The following SPMIP4 variants were observed in gnomAD, a reference collection of about 807,000 sequenced individuals.
SPMIP4 encodes the protein sperm microtubule inner protein 4.
the SPMIP4 span, chr7:25,142,413 C>A: frequency 9.4e-7 from 1 of 1,068,068 alleles, no homozygotes; most frequent in Non-Finnish European, 1.4e-6. Context: ...GAAAACTTAC[C>A]CATTCCTTTT....
the SPMIP4 span, among the ~76,000 whole-genome samples, chr7:25,137,316 T>TTTA: frequency 7.3e-6 from 1 of 137,356 alleles, no homozygotes; most frequent in South Asian, 2.3e-4. Context: ...TTTTTTTTTT[T>TTTA]TTTATTTTTT....
At chr7:25,158,823 G>A in the SPMIP4 span, among the ~76,000 whole-genome samples, 1 of 151,386 alleles carries the variant, frequency 6.6e-6, no homozygotes, top group African/African-American at 2.4e-5. Context: ...AGGAGGTGGA[G>A]GTTGCTGGGT....
chr7:25,178,766 G>A, the SPMIP4 span, among the ~76,000 whole-genome samples: 8 of 151,944 alleles, frequency 5.3e-5, 1 homozygote, highest in Admixed American at 2.0e-4. Flanking sequence ...CCGGCCCGGC[G>A]CAGTGGTCAC....
the SPMIP4 span, among the ~76,000 whole-genome samples, chr7:25,137,446 G>A: frequency 6.6e-6 from 1 of 151,834 alleles, no homozygotes; most frequent in Non-Finnish European, 1.5e-5. Context: ...TGCTAGCGCT[G>A]CCATAATGAG....
At chr7:25,147,035 C>A in the SPMIP4 span, among the ~76,000 whole-genome samples, 1 of 152,180 alleles carries the variant, frequency 6.6e-6, no homozygotes. Context: ...GTGGCTCACA[C>A]CTGTAATCCC....
the SPMIP4 span, chr7:25,158,493 T>G: frequency 6.2e-7 from 1 of 1,603,592 alleles, no homozygotes; most frequent in Non-Finnish European, 8.5e-7. Flanking sequence ...TATAAGTTAT[T>G]TACTTACCCT....
At chr7:25,130,122 C>T in the SPMIP4 span, among the ~76,000 whole-genome samples, 3 of 151,764 alleles carry the variant, frequency 2.0e-5, no homozygotes, top group Admixed American at 6.6e-5. Flanking sequence ...GCCTGTAATC[C>T]CAGCTACTTG....
At chr7:25,142,482 G>T in the SPMIP4 span, 1 of 866,626 alleles carries the variant, frequency 1.2e-6, no homozygotes, top group Non-Finnish European at 1.7e-6. Context: ...TACCTATGAA[G>T]AGAAATTTAC....
chr7:25,150,584 A>C, the SPMIP4 span, among the ~76,000 whole-genome samples: 1 of 152,224 alleles, frequency 6.6e-6, no homozygotes, highest in Non-Finnish European at 1.5e-5. Flanking sequence ...TATATGGAGA[A>C]CACTTGGCAC....
At chr7:25,156,002 C>T in the SPMIP4 span, among the ~76,000 whole-genome samples, 1 of 152,206 alleles carries the variant, frequency 6.6e-6, no homozygotes, top group Admixed American at 6.5e-5. Context: ...ATCCTAGTCT[C>T]CAGGGCCACA....
chr7:25,152,542 T>C, the SPMIP4 span, among the ~76,000 whole-genome samples: 1 of 152,146 alleles, frequency 6.6e-6, no homozygotes, highest in African/African-American at 2.4e-5. Flanking sequence ...CCAACTTTAG[T>C]GAATAAAGAA....
the SPMIP4 span, among the ~76,000 whole-genome samples, chr7:25,157,163 G>A: frequency 6.6e-6 from 1 of 152,180 alleles, no homozygotes; most frequent in Non-Finnish European, 1.5e-5. Context: ...ACAAAAGAAA[G>A]TGGTATTGGA....
chr7:25,168,222 C>A, the SPMIP4 span: 2 of 1,379,592 alleles, frequency 1.4e-6, no homozygotes, highest in South Asian at 1.3e-5. Context: ...AAACAAAGGA[C>A]TCACAATGGA....
chr7:25,136,123 A>C, the SPMIP4 span: 1 of 1,614,078 alleles, frequency 6.2e-7, no homozygotes, highest in African/African-American at 1.3e-5. The surrounding 1 kb of genome is among the most constrained non-coding windows in gnomAD (Gnocchi z 5.7). Context: ...AAGCTCCAGC[A>C]GGTTGGTCTG....
chr7:25,178,130 G>C, the SPMIP4 span, among the ~76,000 whole-genome samples: 1 of 152,294 alleles, frequency 6.6e-6, no homozygotes, highest in East Asian at 1.9e-4. Flanking sequence ...TTGCTGCAAA[G>C]GACATGATCT....
the SPMIP4 span, among the ~76,000 whole-genome samples, chr7:25,128,933 A>C: frequency 6.6e-6 from 1 of 152,202 alleles, no homozygotes; most frequent in African/African-American, 2.4e-5. The surrounding 1 kb of genome is among the most constrained non-coding windows in gnomAD (Gnocchi z 4.5). Flanking sequence ...TAGAAATTTC[A>C]TGTGGGGGCT....
chr7:25,177,698 A>C, the SPMIP4 span, among the ~76,000 whole-genome samples: 1 of 152,224 alleles, frequency 6.6e-6, no homozygotes, highest in African/African-American at 2.4e-5. Flanking sequence ...AGTAGTACTT[A>C]TAGGGTTGTC....
chr7:25,134,923 T>C, the SPMIP4 span: 2 of 985,440 alleles, frequency 2.0e-6, no homozygotes, highest in Non-Finnish European at 1.2e-6. Context: ...CCTGTCATAA[T>C]GTAACTAGTG....
the SPMIP4 span, among the ~76,000 whole-genome samples, chr7:25,154,742 C>T: frequency 6.6e-6 from 1 of 152,118 alleles, no homozygotes; most frequent in African/African-American, 2.4e-5. Flanking sequence ...GGAATAAAAA[C>T]CACCAATTCT....
Sources: gnomAD v4.1 joint callset for allele counts (sites outside exome capture counted in the v4.1 genomes callset) on GRCh38, gnomAD v4.1.1 for gene constraint, Gnocchi (gnomAD v3.1) non-coding constraint, MANE v1.5 for transcripts, NCBI Gene and HGNC (gene_info 2026-07-23, HGNC 2026-07-21) for gene names.